Variants in CDHR3 observed in about 807,000 individuals in gnomAD.
CDHR3 encodes the protein cadherin related family member 3.
A neutral mutation model predicts 86.6 loss-of-function variants in CDHR3; 79 were observed. The ratio of observed to expected loss-of-function variants is 0.91; its 90% CI spans 0.76 to 1.10. The LOEUF is 1.10. CDHR3 is among the 50% of genes least tolerant of loss of function. The pLI, the probability that CDHR3 is intolerant of heterozygous loss-of-function variation, is 0.00. For missense variants in CDHR3, 1,081 were observed against 1,077.6 expected, an observed-to-expected ratio of 1.00 and a Z score of -0.04; for synonymous variants, 421 against 402.4, an observed-to-expected ratio of 1.05 and a Z score of -0.55.
At position 106,028,547 on chromosome 7, in the gene CDHR3, G is replaced by A; in HGVS notation, c.2273-4G>A. ...TTAACTTCTGCCTGTTCTGTTCTCT[G>A]CAGAAACGAAGACTGCAGAGAGAGA... On this transcript the variant is annotated splice_region_variant and splice_polypyrimidine_tract_variant and intron_variant, in intron 16 of 18. Coordinates refer to ENST00000317716, the MANE Select transcript of CDHR3 (RefSeq NM_152750.5). 6.2e-7 allele frequency: 1 copy of A among 1,613,958 alleles called. No individual in the cohort carries two copies. The highest frequency in any genetic ancestry group is 8.5e-7 in the Non-Finnish European group (1 of 1,179,850).
Position 106,004,605 on chromosome 7 carries a change from G to T in CDHR3, c.970G>T (p.Gly324Cys). ...TCTAGTGAAGGACAGACCATATGGG[G>T]GTCAGGAGAATCGCATCCAGATAAC... ...EVLVKDRPYG[G>C]QENRIQITFI... The change falls in exon 8 of 19, where the codon GGT becomes TGT. Residue 324 changes from glycine (G) to cysteine (C), a missense_variant. By Grantham distance (159) the Gly-to-Cys change is radical. Transcript: ENST00000317716. 3 of 1,613,952 alleles carry T rather than the reference G, an allele frequency of 1.9e-6. No individual in the cohort carries two copies. The highest frequency in any genetic ancestry group is 2.5e-6 in the Non-Finnish European group (3 of 1,179,878).
chr7:106,007,262 A>G (rs956111211), intron 8 of CDHR3, among the ~76,000 whole-genome samples: 7 of 152,190 alleles, frequency 4.6e-5, no homozygotes, highest in African/African-American at 1.4e-4. Flanking sequence ...GGTCTCTGAC[A>G]TGCCCTGGTG....
Position 106,033,396 on chromosome 7 carries a change from C to T in CDHR3, c.*699C>T, listed in dbSNP as rs906363420. The T allele has an allele frequency of 6.6e-6, 1 of 152,168 alleles. No homozygotes were observed. The highest frequency in any genetic ancestry group is 1.5e-5 in the Non-Finnish European group (1 of 68,042). 9.4% of individuals were successfully genotyped at this position (152,168 alleles called of 1,614,324 possible). ...ATGATTATATCACAATTTATCTATT[C>T]TACACTTGGGTGGCAGCTGCTTCAG... On this transcript the variant is annotated 3_prime_UTR_variant, in exon 19 of 19. Coordinates refer to ENST00000317716, the MANE Select transcript of CDHR3 (RefSeq NM_152750.5).
intron 14 of CDHR3, 59 bp from the exon 15 acceptor site, chr7:106,024,322 G>T (rs1010069004): frequency 8.2e-6 from 12 of 1,459,908 alleles, no homozygotes; most frequent in Non-Finnish European, 1.1e-5. Context: ...ACGAGAGAGT[G>T]CTGAATGTCA....
chr7:105,990,469 G>A (rs945928039), intron 4 of CDHR3, among the ~76,000 whole-genome samples: 6 of 152,156 alleles, frequency 3.9e-5, no homozygotes, highest in Non-Finnish European at 8.8e-5. Flanking sequence ...GAGGAATTGA[G>A]GCTTTTACAA....
At chr7:106,011,188 C>A (rs982321852) in intron 8 of CDHR3, among the ~76,000 whole-genome samples, 1 of 152,028 alleles carries the variant, frequency 6.6e-6, no homozygotes, top group Non-Finnish European at 1.5e-5. Context: ...AAAGAAAAGC[C>A]GCAAATTCCT....
In CDHR3 at chr7:105,980,609, T is replaced by A. The variant is rs1254899858; in HGVS notation, c.250-359T>A. The stretch of plus-strand genomic sequence containing the variant: ...GGTTTTTTTTTTTTTTTTTTTTAAT[T>A]TTTTTTTTTTTTAATTTTTTTTTTT... On this transcript the variant is annotated intron_variant, in intron 2 of 18. Coordinates refer to ENST00000317716, the MANE Select transcript of CDHR3 (RefSeq NM_152750.5). Among the ~76,000 whole-genome samples, 19 of 40,634 alleles carry A rather than the reference T, an allele frequency of 4.7e-4. No individual in the cohort carries two copies. In the East Asian group the frequency reaches 5.1e-3, roughly 11 times the overall value. The allele number at this position is 40,634 out of a possible 152,430, so 26.7% of individuals were successfully genotyped here.
chr7:106,006,130 A>C (rs780508951), intron 8 of CDHR3, among the ~76,000 whole-genome samples: 3 of 151,594 alleles, frequency 2.0e-5, no homozygotes, highest in Non-Finnish European at 4.4e-5. Flanking sequence ...TCCTCCTTAT[A>C]AAGCCATCAG....
chr7:106,004,709 G>A (rs1200144728), intron 8 of CDHR3, 22 bp downstream of exon 8: 1 of 1,612,974 alleles, frequency 6.2e-7, no homozygotes, highest in Non-Finnish European at 8.5e-7. Context: ...TTGAAAGTTG[G>A]GCTGGACATT....
intron 13 of CDHR3, among the ~76,000 whole-genome samples, chr7:106,021,485 G>T (rs1029603782): frequency 2.0e-5 from 3 of 152,202 alleles, no homozygotes; most frequent in Non-Finnish European, 4.4e-5. Flanking sequence ...ATCATCTCCT[G>T]CTCCATTTAC....
At chr7:105,986,044 C>G (rs1343641699) in intron 4 of CDHR3, among the ~76,000 whole-genome samples, 1 of 152,168 alleles carries the variant, frequency 6.6e-6, no homozygotes, top group East Asian at 1.9e-4. Flanking sequence ...GGCTGCTGCA[C>G]CTCCCGGATT....
At chr7:105,975,825 C>T (rs1263094480) in intron 2 of CDHR3, among the ~76,000 whole-genome samples, 1 of 152,206 alleles carries the variant, frequency 6.6e-6, no homozygotes, top group Non-Finnish European at 1.5e-5. Flanking sequence ...TCAGCTCTGC[C>T]ATTGGTCCAA....
In CDHR3 at chr7:106,016,017, G is replaced by T. The variant is rs749234918; in HGVS notation, c.1418G>T (p.Arg473Ile). 2 of 1,606,984 alleles carry T rather than the reference G, an allele frequency of 1.2e-6. No individual in the cohort carries two copies. Among genetic ancestry groups the T allele is most frequent in the South Asian group, 2.2e-5 (2 of 90,076 alleles). ...TCCTATGTATTTGATGTGTCAGAAA[G>T]AAGGCCCGGTAAGTAACAGATAAGA... ...RPSYVFDVSE[R>I]RPARTRVGQV... The change falls in exon 11 of 19, where the codon AGA (arginine) becomes ATA (isoleucine). Residue 473 changes from arginine to isoleucine, a missense_variant. Physicochemically the swap from Arg to Ile is moderately conservative, Grantham distance 97. Transcript: ENST00000317716.
chr7:105,979,803 A>G (rs1829367125), intron 2 of CDHR3, among the ~76,000 whole-genome samples: 2 of 152,354 alleles, frequency 1.3e-5, no homozygotes, highest in South Asian at 4.2e-4. Context: ...TTCTACTGAC[A>G]TAATTAAGGA....
At chr7:106,022,544 G>A in intron 14 of CDHR3, 96 bp downstream of exon 14, 1 of 1,514,442 alleles carries the variant, frequency 6.6e-7, no homozygotes, top group Non-Finnish European at 8.9e-7. Flanking sequence ...GGGGTGGACT[G>A]AAGAGTTGAG....
At chr7:106,027,695 A>G in intron 16 of CDHR3, 1 of 453,232 alleles carries the variant, frequency 2.2e-6, no homozygotes, top group Non-Finnish European at 4.4e-6. Flanking sequence ...CACTCCATCT[A>G]CAGGCATGTG....
chr7:106,016,601 A>G (rs965147348), intron 11 of CDHR3, among the ~76,000 whole-genome samples: 7 of 152,136 alleles, frequency 4.6e-5, no homozygotes, highest in African/African-American at 9.7e-5. Flanking sequence ...AGGTAATACT[A>G]TAAATGCTCT....
At chr7:106,003,884 A>C (rs1222059874) in intron 7 of CDHR3, among the ~76,000 whole-genome samples, 1 of 151,830 alleles carries the variant, frequency 6.6e-6, no homozygotes, top group East Asian at 1.9e-4. Context: ...AGTGTTGCGA[A>C]ATTCAACTTT....
At chr7:105,987,617 C>T (rs551648523) in intron 4 of CDHR3, among the ~76,000 whole-genome samples, 1 of 152,114 alleles carries the variant, frequency 6.6e-6, no homozygotes, top group African/African-American at 2.4e-5. Context: ...ACTGGGGGAG[C>T]TTTAAAGAAC....
Sources: gnomAD v4.1 joint callset for allele counts (sites outside exome capture counted in the v4.1 genomes callset) on GRCh38, gnomAD v4.1.1 for gene constraint, MANE v1.5 for transcripts, NCBI Gene and HGNC (gene_info 2026-07-23, HGNC 2026-07-21) for gene names.